Variants in GDAP1 observed in about 807,000 individuals in gnomAD.
GDAP1 encodes ganglioside-induced differentiation-associated protein 1.
A neutral mutation model predicts 40.1 loss-of-function variants in GDAP1; 34 were observed. The ratio of observed to expected loss-of-function variants is 0.85; its 90% CI spans 0.64 to 1.13. The LOEUF (loss-of-function observed/expected upper bound fraction) is 1.13. GDAP1 is among the 50% of genes most tolerant of loss of function. The pLI, the probability that GDAP1 is intolerant of heterozygous loss-of-function variation, is 0.00. For synonymous variants in GDAP1, 170 were observed against 157.4 expected (o/e 1.08, Z -0.60); for missense variants, 374 against 433.7 (o/e 0.86, Z 1.22).
chr8:74,420,265 G>C (rs1458370716), intron 2 of GDAP1, among the ~76,000 whole-genome samples: 4 of 152,092 alleles, frequency 2.6e-5, no homozygotes, highest in Non-Finnish European at 5.9e-5. Context: ...GAAGTGGTCA[G>C]TCTTTTATGC....
chr8:74,380,013 C>G (rs138485982), intron 2 of GDAP1, among the ~76,000 whole-genome samples: 98 of 152,276 alleles, frequency 6.4e-4, no homozygotes, highest in African/African-American at 2.1e-3. Context: ...ATATACTGCA[C>G]TTGGGATACT....
chr8:74,455,862 G>GT (rs1285410499), intron 2 of GDAP1, among the ~76,000 whole-genome samples: 3 of 151,904 alleles, frequency 2.0e-5, no homozygotes, highest in Admixed American at 2.0e-4. Flanking sequence ...AAGGCAGGGA[G>GT]TGGCACTGTG....
chr8:74,393,656 A>T (rs1027925746), intron 2 of GDAP1, among the ~76,000 whole-genome samples: 1 of 152,236 alleles, frequency 6.6e-6, no homozygotes, highest in Non-Finnish European at 1.5e-5. Context: ...ATAACAAAAT[A>T]TATTGTATGT....
intron 2 of GDAP1, among the ~76,000 whole-genome samples, chr8:74,437,654 T>G (rs1455724708): frequency 6.6e-6 from 1 of 152,196 alleles, no homozygotes; most frequent in Non-Finnish European, 1.5e-5. Context: ...GTATCTTTTT[T>G]ATGTTTAAAA....
At chr8:74,449,697 T>C (rs1171026546) in intron 2 of GDAP1, among the ~76,000 whole-genome samples, 10 of 151,830 alleles carry the variant, frequency 6.6e-5, no homozygotes, top group African/African-American at 1.9e-4. Flanking sequence ...TAGTCACTGT[T>C]TTTGTATTTT....
At chr8:74,394,440 G>C (rs773414977) in intron 2 of GDAP1, among the ~76,000 whole-genome samples, 1 of 152,094 alleles carries the variant, frequency 6.6e-6, no homozygotes, top group Non-Finnish European at 1.5e-5. Flanking sequence ...ATCACTTTGG[G>C]TAGAACCTTC....
At position 74,417,521 on chromosome 8, in the gene GDAP1, C is replaced by A. The variant is rs113141848; in HGVS notation, c.165+66200C>A. 6.4e-3 allele frequency among the ~76,000 whole-genome samples: 966 copies of A among 150,172 alleles called. 109 individuals are homozygous for A. The highest frequency in any genetic ancestry group is 0.024 in the African/African-American group (930 of 39,542). On this transcript the variant is annotated intron_variant, in intron 2 of 2. Transcript: ENST00000523640. ...ACCTCAGGTGATCCACCCGCCTAGG[C>A]CTTCTTCCAAAGTACTGGGATTACA...
chr8:74,355,308 G>T (rs1004473448), intron 2 of GDAP1, among the ~76,000 whole-genome samples: 1 of 152,118 alleles, frequency 6.6e-6, no homozygotes, highest in African/African-American at 2.4e-5. Context: ...TATTAATTTG[G>T]TATAGGGTCC....
chr8:74,430,086 T>C (rs1046993430), intron 2 of GDAP1, among the ~76,000 whole-genome samples: 1 of 152,154 alleles, frequency 6.6e-6, no homozygotes, highest in African/African-American at 2.4e-5. Flanking sequence ...TATAAAAAGA[T>C]GCACAACTTC....
chr8:74,475,413 G>A (rs1291653416), intron 2 of GDAP1, among the ~76,000 whole-genome samples: 3 of 151,780 alleles, frequency 2.0e-5, no homozygotes, highest in Non-Finnish European at 4.4e-5. Context: ...TTTTGATATA[G>A]GCATTTAGTG....
At position 74,364,350 on chromosome 8, in the gene GDAP1, A is replaced by T; in HGVS notation, c.1060A>T (p.Arg354Ter). Residue 354 changes from arginine (R) to a stop codon, truncating the protein, a stop_gained, in exon 6 of 6, where the codon AGA (arginine) becomes TGA (stop). Coordinates refer to ENST00000220822, the MANE Select transcript of GDAP1 (RefSeq NM_018972.4). LOFTEE classifies it high-confidence loss of function. Reference protein sequence around the residue: ...LGSMILAFRPRPNYF With the variant: ...LGSMILAFRP ...CAGCATGATATTAGCATTTAGACCC[A>T]GACCAAATTATTTCTAGGTTTGTTG... 1.9e-6 allele frequency: 3 copies of T among 1,613,906 alleles called. No homozygotes were observed. The highest frequency in any genetic ancestry group is 2.5e-6 in the Non-Finnish European group (3 of 1,180,000).
chr8:74,364,004 G>C lies in GDAP1; in HGVS notation c.714G>C (p.Trp238Cys). Residue 238 changes from tryptophan (W) to cysteine (C), a missense_variant, in exon 6 of 6, where the codon TGG becomes TGC. Physicochemically the swap from Trp to Cys is radical, Grantham distance 215 (BLOSUM62 -2). Transcript: ENST00000220822. ...EETPEEGQQPWLCGESFTLAD... is the reference protein window; with the variant it reads ...EETPEEGQQPCLCGESFTLAD... Reference sequence around the variant, plus strand: ...AATTAGAAGAGGGCCAGCAACCTTGGCTCTGCGGTGAATCCTTCACCCTGG... The same window carrying C: ...AATTAGAAGAGGGCCAGCAACCTTGCCTCTGCGGTGAATCCTTCACCCTGG... 2.5e-6 allele frequency: 4 copies of C among 1,613,982 alleles called. No homozygotes were observed. The highest frequency in any genetic ancestry group is 3.4e-6 in the Non-Finnish European group (4 of 1,179,934).
chr8:74,414,572 C>A (rs1395239667), intron 2 of GDAP1, among the ~76,000 whole-genome samples: 1 of 148,980 alleles, frequency 6.7e-6, no homozygotes, highest in East Asian at 1.9e-4. Flanking sequence ...GAAAGAGTCA[C>A]TGAACTTGAA....
At chr8:74,399,202 T>TCAA (rs1563458044) in intron 2 of GDAP1, among the ~76,000 whole-genome samples, 2 of 150,238 alleles carry the variant, frequency 1.3e-5, no homozygotes, top group African/African-American at 5.1e-5. Flanking sequence ...GTTGGTAAGC[T>TCAA]ATTGATTATT....
rs1256921289 is a variant in GDAP1 at position 74,364,250 on chromosome 8, T to C, written c.960T>C (p.Leu320=). The change falls in exon 6 of 6, where the codon CTT becomes CTC. Residue 320 remains leucine (L), a synonymous_variant. Transcript: ENST00000220822. ...RVAKKRAPKV[L]GTTLVVGLLA... ...CCAAGAAAAGGGCCCCAAAAGTTCT[T>C]GGCACGACCCTTGTGGTTGGTTTGC... 1.9e-6 allele frequency: 3 copies of C among 1,614,238 alleles called. No homozygotes were observed. The highest frequency in any genetic ancestry group is 2.5e-6 in the Non-Finnish European group (3 of 1,180,040).
chr8:74,465,592 C>T (rs1011709900), intron 2 of GDAP1, among the ~76,000 whole-genome samples: 1 of 152,176 alleles, frequency 6.6e-6, no homozygotes, highest in Non-Finnish European at 1.5e-5. Flanking sequence ...GGTCAAATTA[C>T]TCATCTGCTT....
intron 2 of GDAP1, among the ~76,000 whole-genome samples, chr8:74,460,029 T>C (rs184034936): frequency 9.5e-4 from 144 of 152,292 alleles, no homozygotes; most frequent in African/African-American, 3.0e-3. Flanking sequence ...GTGGGCAGCA[T>C]TGAGTACAAC....
At chr8:74,439,266 GCATT>G in intron 2 of GDAP1, among the ~76,000 whole-genome samples, 1 of 151,794 alleles carries the variant, frequency 6.6e-6, no homozygotes, top group Non-Finnish European at 1.5e-5. Flanking sequence ...ACATATATAT[GCATT>G]GCTTTCTTGC....
intron 2 of GDAP1, among the ~76,000 whole-genome samples, 188 bp from the exon 3 acceptor site, chr8:74,359,949 G>C (rs1809273555): frequency 6.6e-6 from 1 of 151,096 alleles, no homozygotes; most frequent in African/African-American, 2.4e-5. Flanking sequence ...ATTATGGTTT[G>C]GGATCTTGTC....
Sources: gnomAD v4.1 joint callset for allele counts (sites outside exome capture counted in the v4.1 genomes callset) on GRCh38, gnomAD v4.1.1 for gene constraint, MANE v1.5 for transcripts, NCBI Gene and HGNC (gene_info 2026-07-23, HGNC 2026-07-21) for gene names.